Variants in ELOA observed in about 807,000 individuals in gnomAD.
ELOA encodes elongin-A.
Under a neutral mutation model 85.2 loss-of-function variants are expected in ELOA, and 15 were observed. The ratio of observed to expected loss-of-function variants is 0.18; its 90% confidence interval spans 0.12 to 0.27. ELOA has a LOEUF of 0.27. Ranked by LOEUF, ELOA falls within the 10% of genes least tolerant of loss-of-function variation. ELOA has a pLI of 1.00. For missense variants in ELOA, 769 were observed against 952.7 expected (o/e 0.81, Z 2.54); for synonymous variants, 348 against 357.2 (o/e 0.97, Z 0.29).
chr1:23,750,459 C>T (rs560118604), intron 3 of ELOA, among the ~76,000 whole-genome samples: 8 of 152,222 alleles, frequency 5.3e-5, no homozygotes, highest in African/African-American at 7.2e-5. Flanking sequence ...GGATTACAGG[C>T]GTGAGCCACC....
rs1638273615 is a variant in ELOA at position 23,760,230 on chromosome 1, T to G, written c.*657T>G. On this transcript the variant is annotated 3_prime_UTR_variant, in exon 11 of 11. Coordinates refer to ENST00000613537, the MANE Select transcript of ELOA (RefSeq NM_003198.3). ...GCAGGTGCATCTCTTTCTTACTAAC[T>G]GGTATTTATTAAGGGAGGTGCTCTG... The G allele has an allele frequency of 6.6e-6, 1 of 152,130 alleles. No homozygotes were observed. Among genetic ancestry groups the G allele is most frequent in the Non-Finnish European group, 1.5e-5 (1 of 68,058 alleles). 9.4% of individuals were successfully genotyped at this position (152,130 alleles called of 1,614,324 possible). A position where few individuals can be genotyped will look rare whatever the true frequency, so the allele number is the denominator to read the frequency against.
intron 1 of ELOA, 82 bp downstream of exon 1, chr1:23,743,660 G>T (rs956183050): frequency 1.5e-6 from 2 of 1,366,900 alleles, no homozygotes; most frequent in African/African-American, 3.0e-5. Flanking sequence ...GCGTGGCGGG[G>T]TTCGGGGGCT....
chr1:23,750,170 C>CCTTTTTTTT (rs1553125603), intron 3 of ELOA, among the ~76,000 whole-genome samples: 4 of 90,536 alleles, frequency 4.4e-5, no homozygotes, highest in African/African-American at 8.1e-5. Context: ...TGGTACGTTT[C>CCTTTTTTTT]TTTTTTTTTT....
In ELOA at chr1:23,751,794, G is replaced by C. The variant is rs772908388; in HGVS notation, c.1189G>C (p.Glu397Gln). ...CCCTAAAGTTGAGGAGACAGATATG[G>C]AGGATGAATTCGAGCAGCCAACCAT... ...SLPKVEETDM[E>Q]DEFEQPTMSF... The change falls in exon 4 of 11, where the codon GAG becomes CAG. Residue 397 changes from glutamate to glutamine, a missense_variant. Glu to Gln is a conservative substitution (Grantham distance 29, BLOSUM62 2). Coordinates refer to ENST00000613537, the MANE Select transcript of ELOA (RefSeq NM_003198.3). 1 of 1,614,184 alleles carries C rather than the reference G, an allele frequency of 6.2e-7. No individual in the cohort carries two copies. Among genetic ancestry groups the C allele is most frequent in the Non-Finnish European group, 8.5e-7 (1 of 1,180,048 alleles).
rs1187690495 is a variant in ELOA at position 23,754,130 on chromosome 1, C to G, written c.1568C>G (p.Ala523Gly). The change falls in exon 6 of 11, where the codon GCT becomes GGT. Residue 523 changes from alanine (A) to glycine (G), a missense_variant. Coordinates refer to ENST00000613537, the MANE Select transcript of ELOA (RefSeq NM_003198.3). ...AFSSPQEEEEAGFTGRRMNSK... is the reference protein window; with the variant it reads ...AFSSPQEEEEGGFTGRRMNSK... The stretch of plus-strand genomic sequence containing the variant: ...TCTTCACCCCAGGAAGAAGAAGAAG[C>G]TGGATTTACTGGGCGCAGAATGAAT... 1 of 1,614,166 alleles carries G rather than the reference C, an allele frequency of 6.2e-7. No homozygotes were observed.
At chr1:23,752,562 A>T (rs912056568) in intron 5 of ELOA, 44 bp downstream of exon 5, 18 of 1,566,966 alleles carry the variant, frequency 1.1e-5, no homozygotes, top group Non-Finnish European at 1.3e-5. Flanking sequence ...AAAAGATTTA[A>T]AAATTCATTC....
Position 23,749,071 on chromosome 1 carries a change from T to C in ELOA, c.126T>C (p.Ile42=). 1.2e-6 allele frequency: 2 copies of C among 1,612,098 alleles called. No individual in the cohort carries two copies. The highest frequency in any genetic ancestry group is 1.3e-5 in the African/African-American group (1 of 75,014). ...KLSTLPITVD[I]LAETGVGKTV... ...CCACCCTGCCTATTACAGTAGACATTCTTGCGGTAAGAACTGTGTGACTTT... is the reference window on the plus strand; with the variant it reads ...CCACCCTGCCTATTACAGTAGACATCCTTGCGGTAAGAACTGTGTGACTTT... The change falls in exon 2 of 11, where the codon ATT becomes ATC. Residue 42 remains isoleucine (I), a synonymous_variant. Coordinates refer to ENST00000613537, the MANE Select transcript of ELOA (RefSeq NM_003198.3).
chr1:23,744,091 A>G (rs1644736073), intron 1 of ELOA: 1 of 152,374 alleles, frequency 6.6e-6, no homozygotes, highest in Non-Finnish European at 1.5e-5. Flanking sequence ...CGCGGTTACT[A>G]CTCTCCGGCT....
chr1:23,753,986 C>T, intron 5 of ELOA, 114 bp from the exon 6 acceptor site: 1 of 1,333,136 alleles, frequency 7.5e-7, no homozygotes, highest in South Asian at 1.4e-5. Flanking sequence ...GAAGGATCTA[C>T]AAAAATCTGT....
rs1644793082 is a variant in ELOA at position 23,756,002 on chromosome 1, G to A, written c.1951G>A (p.Ala651Thr). Reference sequence around the variant, plus strand: ...AGTACTAACAAAGAATATCCAGTTCGCACATGCCAATAAGCCCAAAGGTAA... The same window carrying A: ...AGTACTAACAAAGAATATCCAGTTCACACATGCCAATAAGCCCAAAGGTAA... Reference protein sequence around the residue: ...LRVLTKNIQFAHANKPKGRQA... With the variant: ...LRVLTKNIQFTHANKPKGRQA... Residue 651 changes from alanine to threonine, a missense_variant, in exon 8 of 11, where the codon GCA (alanine) becomes ACA (threonine). By Grantham distance (58) the Ala-to-Thr change is moderately conservative. This residue lies in a region of ELOA where 20 missense variants were observed against 58.8 expected (regional missense o/e 0.34). Transcript: ENST00000613537. 3.7e-6 allele frequency: 6 copies of A among 1,612,942 alleles called. No homozygotes were observed. Among genetic ancestry groups the A allele is most frequent in the South Asian group, 1.1e-5 (1 of 90,988 alleles).
chr1:23,759,481 T>G (rs1638263336), intron 10 of ELOA, 31 bp from the exon 11 acceptor site: 1 of 1,613,892 alleles, frequency 6.2e-7, no homozygotes, highest in South Asian at 1.1e-5. Flanking sequence ...GCCACAGATC[T>G]GAGACAGCTG....
rs572805225 is a variant in ELOA at position 23,752,680 on chromosome 1, C to T, written c.1537+162C>T. Among the ~76,000 whole-genome samples, 201 of 152,084 alleles carry T rather than the reference C, an allele frequency of 1.3e-3. 3 individuals carry two copies. Among genetic ancestry groups the T allele is most frequent in the Middle Eastern group, 3.4e-3 (1 of 294 alleles). ...TAAACCAACCAGGCGTGGTGGCTCACTCCTGTAATCCCAGCACTTTGGGAG... is the reference window on the plus strand; with the variant it reads ...TAAACCAACCAGGCGTGGTGGCTCATTCCTGTAATCCCAGCACTTTGGGAG... On this transcript the variant is annotated intron_variant, in intron 5 of 10. Transcript: ENST00000613537.
At chr1:23,755,722 G>A in intron 7 of ELOA, 121 bp from the exon 8 acceptor site, 2 of 977,188 alleles carry the variant, frequency 2.0e-6, no homozygotes, top group Non-Finnish European at 2.9e-6. Flanking sequence ...AAGGGTTGCA[G>A]TGAACCAAAA....
chr1:23,758,661 A>G (rs1265253291), intron 10 of ELOA, among the ~76,000 whole-genome samples: 1 of 150,406 alleles, frequency 6.6e-6, no homozygotes, highest in African/African-American at 2.5e-5. Flanking sequence ...CCAGTATCCT[A>G]AGGGGATGTC....
At chr1:23,753,674 T>C (rs1396916378) in intron 5 of ELOA, among the ~76,000 whole-genome samples, 2 of 152,114 alleles carry the variant, frequency 1.3e-5, no homozygotes, top group Admixed American at 6.5e-5. Context: ...AAGCAATGTA[T>C]GTAGTGAGTA....
chr1:23,759,303 G>A (rs551436462), intron 10 of ELOA, among the ~76,000 whole-genome samples: 21 of 152,276 alleles, frequency 1.4e-4, no homozygotes, highest in Non-Finnish European at 2.8e-4. Flanking sequence ...TAGAGAGAGT[G>A]GTGGTCATGC....
intron 3 of ELOA, 147 bp from the exon 4 acceptor site, chr1:23,750,698 T>A: frequency 1.3e-6 from 1 of 753,988 alleles, no homozygotes; most frequent in Non-Finnish European, 2.0e-6. Flanking sequence ...TTTGAGTATC[T>A]TTAAGCATAA....
intron 7 of ELOA, 64 bp from the exon 8 acceptor site, chr1:23,755,779 C>CAAAA: frequency 1.1e-5 from 12 of 1,101,570 alleles, no homozygotes; most frequent in South Asian, 1.7e-5. Context: ...GACTCTGTCT[C>CAAAA]AAAAAAAAAA....
intron 2 of ELOA, among the ~76,000 whole-genome samples, chr1:23,749,401 T>C (rs1358286029): frequency 2.6e-5 from 4 of 152,242 alleles, no homozygotes; most frequent in Admixed American, 6.5e-5. Context: ...TTATGTACTT[T>C]AGTTAAAGTG....
Sources: allele counts gnomAD v4.1 joint callset (sites outside exome capture counted in the v4.1 genomes callset), GRCh38; gene constraint gnomAD v4.1.1; regional missense constraint gnomAD v4.1.1; transcripts MANE v1.5; gene names NCBI Gene and HGNC (gene_info 2026-07-23, HGNC 2026-07-21).